The following TRRAP variants were observed in gnomAD, a reference collection of about 807,000 sequenced individuals.
TRRAP encodes the protein transformation/transcription domain-associated protein.
Under a neutral mutation model 438.8 loss-of-function variants are expected in TRRAP, and 41 were observed. The observed-to-expected ratio is 0.09, with a 90% CI of 0.07 to 0.12. The LOEUF (loss-of-function observed/expected upper bound fraction) is 0.12, where lower values mean the gene tolerates loss of function less well. Ranked by LOEUF, TRRAP falls within the 10% of genes least tolerant of loss-of-function variation. The pLI is 1.00. For synonymous variants in TRRAP, 1,994 were observed against 1,962.9 expected (o/e 1.02, Z -0.42); for missense variants, 3,122 against 5,055.1 (o/e 0.62, Z 11.60).
chr7:98,950,965 A>G lies in TRRAP; in HGVS notation c.5424A>G (p.Gly1808=). 1.9e-6 allele frequency: 3 copies of G among 1,611,056 alleles called. No individual in the cohort carries two copies. The South Asian group carries it at 3.3e-5, about 18-fold the overall frequency. ...EQLLGPPNPE[G]DNPESITSVF... is the part of the protein sequence containing the mutation. ...TCTTGGGACCTCCCAATCCAGAAGG[A>G]GATAACCCAGAAAGCATCACCAGTG... is the stretch of plus-strand genomic sequence containing the variant. Residue 1808 remains glycine (G), a synonymous_variant, in exon 39 of 73, where the codon GGA becomes GGG. Transcript: ENST00000456197.
chr7:98,896,658 A>G (rs1584279333), intron 7 of TRRAP, among the ~76,000 whole-genome samples: 1 of 152,258 alleles, frequency 6.6e-6, no homozygotes, highest in South Asian at 2.1e-4. Context: ...TGCTGGGATT[A>G]CAGGCGTGAG....
intron 11 of TRRAP, among the ~76,000 whole-genome samples, chr7:98,902,053 A>T (rs1251665094): frequency 1.3e-5 from 2 of 152,220 alleles, no homozygotes; most frequent in Admixed American, 1.3e-4. Flanking sequence ...TTCTGTCTTT[A>T]CGGATTTGCC....
intron 3 of TRRAP, among the ~76,000 whole-genome samples, chr7:98,882,604 C>G (rs1488946487): frequency 6.6e-6 from 1 of 151,880 alleles, no homozygotes; most frequent in African/African-American, 2.4e-5. Context: ...CTCAGGTGAT[C>G]TACCTGCCTC....
At chr7:98,929,809 G>A (rs1790237436) in intron 23 of TRRAP, among the ~76,000 whole-genome samples, 180 bp from the exon 24 acceptor site, 1 of 151,984 alleles carries the variant, frequency 6.6e-6, no homozygotes, top group Non-Finnish European at 1.5e-5. Flanking sequence ...GGACTAGGCT[G>A]GTCTCAAACT....
chr7:98,885,221 G>A (rs1287857088), intron 3 of TRRAP, among the ~76,000 whole-genome samples: 3 of 151,804 alleles, frequency 2.0e-5, no homozygotes, highest in Non-Finnish European at 4.4e-5. Context: ...CTGAGTAGCT[G>A]GGACTACAGA....
rs1194508018 is a variant in TRRAP at position 99,005,061 on chromosome 7, A to G, written c.10536-70A>G. On this transcript the variant is annotated intron_variant, in intron 68 of 72. Transcript: ENST00000456197. The surrounding 1 kb of genome is among the most constrained non-coding windows in gnomAD (Gnocchi z 5.1). Reference sequence around the variant, plus strand: ...TTCCCGTGACAGTTCGGACATTCCTAGCTTCTTCTCAAGACAAGGACTGGT... The same window carrying G: ...TTCCCGTGACAGTTCGGACATTCCTGGCTTCTTCTCAAGACAAGGACTGGT... 6.6e-7 allele frequency: 1 copy of G among 1,506,332 alleles called. No individual in the cohort carries two copies. Among genetic ancestry groups the G allele is most frequent in the Admixed American group, 1.7e-5 (1 of 59,670 alleles). 93.3% of individuals were successfully genotyped at this position (1,506,332 alleles called of 1,614,324 possible).
At chr7:98,986,439 C>A (rs1420105247) in intron 62 of TRRAP, among the ~76,000 whole-genome samples, 2 of 152,216 alleles carry the variant, frequency 1.3e-5, no homozygotes, top group African/African-American at 4.8e-5. Flanking sequence ...TCCTCACCAG[C>A]ACTTGTTATT....
intron 45 of TRRAP, among the ~76,000 whole-genome samples, chr7:98,960,632 C>T (rs1333817833): frequency 1.3e-5 from 2 of 152,088 alleles, no homozygotes; most frequent in East Asian, 3.9e-4. Context: ...CACTCTGTCG[C>T]CCAGGCTGGA....
intron 3 of TRRAP, among the ~76,000 whole-genome samples, chr7:98,887,038 C>T (rs1047582115): frequency 2.0e-5 from 3 of 152,166 alleles, no homozygotes; most frequent in African/African-American, 7.2e-5. Context: ...GTAGCAGGGA[C>T]TACAGGCATG....
intron 30 of TRRAP, among the ~76,000 whole-genome samples, chr7:98,941,382 G>T (rs1381591292): frequency 2.0e-5 from 3 of 152,116 alleles, no homozygotes; most frequent in Admixed American, 6.5e-5. Flanking sequence ...CACCATGTTG[G>T]CCTGGCTGAT....
intron 39 of TRRAP, 57 bp from the exon 40 acceptor site, chr7:98,953,110 T>C: frequency 6.4e-7 from 1 of 1,570,210 alleles, no homozygotes; most frequent in Non-Finnish European, 8.6e-7. Flanking sequence ...CGTATGACCC[T>C]CAGTCAGTAA....
intron 45 of TRRAP, among the ~76,000 whole-genome samples, chr7:98,960,885 G>A (rs1791861688): frequency 1.3e-5 from 2 of 151,954 alleles, no homozygotes; most frequent in African/African-American, 4.8e-5. Flanking sequence ...CCAAAGTGCT[G>A]GGATTACAGG....
chr7:99,012,252 C>T lies in TRRAP; in HGVS notation c.11519C>T (p.Ala3840Val). Residue 3840 changes from alanine to valine, a missense_variant, in exon 73 of 73, where the codon GCC (alanine) becomes GTC (valine). This residue lies in a region of TRRAP where 192 missense variants were observed against 355.6 expected (regional missense o/e 0.54). Coordinates refer to ENST00000456197, the MANE Select transcript of TRRAP (RefSeq NM_001375524.1). This position sits in a 1 kb window ranked among gnomAD's most constrained non-coding sequence, Gnocchi z 5.9. ...TAIMTRLHNL[A>V]QFEGGESKVN... The stretch of plus-strand genomic sequence containing the variant: ...ATCATGACCCGCCTGCACAACCTCG[C>T]CCAGTTCGAAGGCGGGGAAAGCAAG... 6.2e-7 allele frequency: 1 copy of T among 1,614,152 alleles called. No homozygotes were observed. Among genetic ancestry groups the T allele is most frequent in the Non-Finnish European group, 8.5e-7 (1 of 1,180,030 alleles).
chr7:98,927,392 C>G, intron 23 of TRRAP, 26 bp downstream of exon 23: 1 of 1,612,140 alleles, frequency 6.2e-7, no homozygotes, highest in African/African-American at 1.3e-5. Context: ...CGGTGGGGCA[C>G]GGGATTGGTT....
chr7:98,916,188 GT>G (rs1203122672), intron 19 of TRRAP, among the ~76,000 whole-genome samples: 1 of 152,168 alleles, frequency 6.6e-6, no homozygotes, highest in Non-Finnish European at 1.5e-5. Context: ...TGGTAAGCAA[GT>G]CTAGAAAATG....
At chr7:98,947,360 T>C (rs1256795610) in intron 33 of TRRAP, among the ~76,000 whole-genome samples, 1 of 152,246 alleles carries the variant, frequency 6.6e-6, no homozygotes, top group African/African-American at 2.4e-5. Context: ...CCAGGATCAG[T>C]TGTTTATATA....
intron 44 of TRRAP, 128 bp downstream of exon 44, chr7:98,958,219 C>G: frequency 1.3e-6 from 1 of 757,936 alleles, no homozygotes; most frequent in Non-Finnish European, 2.1e-6. Flanking sequence ...CCAGCTGGTT[C>G]TGTCATTTTC....
chr7:98,906,401 GTTTT>G (rs1562934795), intron 13 of TRRAP, 146 bp downstream of exon 13: 1 of 284,714 alleles, frequency 3.5e-6, no homozygotes, highest in African/African-American at 2.6e-5. Context: ...TTTTGTTTTT[GTTTT>G]ATTTATTTAT....
Position 98,961,261 on chromosome 7 carries a change from G to T in TRRAP, c.6490G>T (p.Glu2164Ter). Residue 2164 changes from glutamate (E) to a stop codon, truncating the protein, a stop_gained and splice_region_variant, in exon 46 of 73, where the codon GAG becomes TAG. Coordinates refer to ENST00000456197, the MANE Select transcript of TRRAP (RefSeq NM_001375524.1). LOFTEE classifies it high-confidence loss of function. ...QWFDKLLMTV[E>*]QPNQVNYGNI... ...GAGTGGCCTGTGTTGTCCATTGCAG[G>T]AGCAGCCAAACCAAGTGAACTATGG... 6.2e-7 allele frequency: 1 copy of T among 1,613,948 alleles called. No individual in the cohort carries two copies. Among genetic ancestry groups the T allele is most frequent in the South Asian group, 1.1e-5 (1 of 91,058 alleles).
Sources: gnomAD v4.1 joint callset for allele counts (sites outside exome capture counted in the v4.1 genomes callset) on GRCh38, gnomAD v4.1.1 for gene constraint, gnomAD v4.1.1 regional missense constraint, Gnocchi (gnomAD v3.1) non-coding constraint, MANE v1.5 for transcripts, NCBI Gene and HGNC (gene_info 2026-07-23, HGNC 2026-07-21) for gene names.